The following ECT2L variants were observed in gnomAD, a reference collection of about 807,000 sequenced individuals.
The protein encoded by ECT2L is epithelial cell-transforming sequence 2 oncogene-like.
ECT2L carries 126 observed loss-of-function variants against 122.8 expected under a neutral mutation model. That is an observed-to-expected ratio of 1.03 (90% CI 0.89 to 1.19). The LOEUF (loss-of-function observed/expected upper bound fraction) is 1.19, where lower values mean the gene tolerates loss of function less well. ECT2L is among the 50% of genes most tolerant of loss of function. ECT2L has a pLI of 0.00. For missense variants in ECT2L, 1,012 were observed against 1,064.1 expected, an observed-to-expected ratio of 0.95 and a Z score of 0.68; for synonymous variants, 385 against 381.8, an observed-to-expected ratio of 1.01 and a Z score of -0.10.
intron 10 of ECT2L, among the ~76,000 whole-genome samples, chr6:138,856,363 T>C (rs1347282615): frequency 1.3e-5 from 2 of 152,144 alleles, no homozygotes; most frequent in Non-Finnish European, 2.9e-5. Context: ...TACAGGCATG[T>C]GCCACCACAC....
At chr6:138,824,245 A>T (rs1377275380) in intron 4 of ECT2L, among the ~76,000 whole-genome samples, 1 of 151,848 alleles carries the variant, frequency 6.6e-6, no homozygotes, top group East Asian at 1.9e-4. Context: ...GGTACCCAGG[A>T]CCACTCTGTA....
chr6:138,796,411 G>T (rs1775343648), intron 1 of ECT2L, among the ~76,000 whole-genome samples: 1 of 152,164 alleles, frequency 6.6e-6, no homozygotes, highest in Non-Finnish European at 1.5e-5. Flanking sequence ...CCACGCGTAG[G>T]GTAGGGTTTG....
intron 8 of ECT2L, among the ~76,000 whole-genome samples, chr6:138,847,148 T>A (rs139958600): frequency 2.0e-5 from 3 of 151,268 alleles, no homozygotes; most frequent in Non-Finnish European, 4.4e-5. Context: ...TGTGTGCCTG[T>A]AGTCCCAGCT....
At chr6:138,820,447 A>T (rs1377993561) in intron 4 of ECT2L, among the ~76,000 whole-genome samples, 1 of 152,216 alleles carries the variant, frequency 6.6e-6, no homozygotes, top group African/African-American at 2.4e-5. Flanking sequence ...ATGGTTGAGG[A>T]TGGCAAAGTG....
intron 20 of ECT2L, among the ~76,000 whole-genome samples, chr6:138,894,902 G>A (rs528891656): frequency 2.2e-4 from 34 of 152,010 alleles, no homozygotes; most frequent in Admixed American, 7.2e-4. Flanking sequence ...TTAGGTCAAC[G>A]ACACTGTCTC....
At chr6:138,833,456 A>G (rs1562463895) in intron 4 of ECT2L, among the ~76,000 whole-genome samples, 1 of 152,164 alleles carries the variant, frequency 6.6e-6, no homozygotes, top group Admixed American at 6.5e-5. Flanking sequence ...TTGTACGGCC[A>G]TCGGTATTTG....
intron 1 of ECT2L, among the ~76,000 whole-genome samples, chr6:138,796,932 T>C (rs950964485): frequency 1.3e-5 from 2 of 152,174 alleles, no homozygotes; most frequent in Admixed American, 6.5e-5. Flanking sequence ...CAAACACTTA[T>C]TTCAGTGGGA....
chr6:138,838,861 C>T (rs2128387278), intron 5 of ECT2L, among the ~76,000 whole-genome samples: 1 of 152,258 alleles, frequency 6.6e-6, no homozygotes, highest in African/African-American at 2.4e-5. Context: ...TCACTACAAC[C>T]TCCTCCGCCT....
At chr6:138,874,589 G>T (rs962409057) in intron 13 of ECT2L, among the ~76,000 whole-genome samples, 3 of 152,150 alleles carry the variant, frequency 2.0e-5, no homozygotes, top group Non-Finnish European at 4.4e-5. Context: ...AGCCAAGGTG[G>T]TCTGGGGGGG....
chr6:138,870,234 A>G (rs913476081), intron 13 of ECT2L: 1 of 152,664 alleles, frequency 6.6e-6, no homozygotes, highest in African/African-American at 2.4e-5. Context: ...TGCTGAAGAA[A>G]TGTGGCAAAA....
intron 10 of ECT2L, among the ~76,000 whole-genome samples, chr6:138,857,896 A>C (rs941709577): frequency 6.6e-6 from 1 of 151,776 alleles, no homozygotes; most frequent in Non-Finnish European, 1.5e-5. Flanking sequence ...CTTGACTCAC[A>C]GTTCTGCAGG....
intron 4 of ECT2L, among the ~76,000 whole-genome samples, chr6:138,832,686 G>A (rs1051287129): frequency 1.3e-5 from 2 of 152,024 alleles, no homozygotes; most frequent in Non-Finnish European, 2.9e-5. Flanking sequence ...CATCAAGACT[G>A]GGCCCAATTC....
At position 138,843,067 on chromosome 6, in the gene ECT2L, A is replaced by C; in HGVS notation, c.431A>C (p.His144Pro). The change falls in exon 6 of 22, where the codon CAT becomes CCT. Residue 144 changes from histidine to proline, a missense_variant. Coordinates refer to ENST00000541398, the MANE Select transcript of ECT2L (RefSeq NM_001077706.3). ...AATGAGTATGGTGCTTGGAAGCGCC[A>C]TTACATTGCTTGTGTGTCCCACTTA... ...TDNEYGAWKR[H>P]YIACVSHLDW... 1 of 1,613,916 alleles carries C rather than the reference A, an allele frequency of 6.2e-7. No individual in the cohort carries two copies.
At chr6:138,873,819 A>C (rs886764504) in intron 13 of ECT2L, among the ~76,000 whole-genome samples, 1 of 151,896 alleles carries the variant, frequency 6.6e-6, no homozygotes, top group Non-Finnish European at 1.5e-5. Flanking sequence ...AACAAAAAAA[A>C]CAAACCCTCC....
chr6:138,851,421 C>T (rs956956821), intron 9 of ECT2L, among the ~76,000 whole-genome samples: 2 of 150,944 alleles, frequency 1.3e-5, no homozygotes, highest in African/African-American at 2.4e-5. Flanking sequence ...TAGCCTCAAG[C>T]AATCCTTCCA....
chr6:138,838,340 CTT>C lies in ECT2L; in HGVS notation c.180-10_180-9del. The C allele has an allele frequency of 6.4e-7, 1 of 1,566,520 alleles. No homozygotes were observed. The highest frequency in any genetic ancestry group is 1.2e-5 in the South Asian group (1 of 82,386). On this transcript the variant is annotated splice_polypyrimidine_tract_variant and intron_variant, in intron 4 of 21. Coordinates refer to ENST00000541398, the MANE Select transcript of ECT2L (RefSeq NM_001077706.3). ...CATTAGTGTTCTAAACTAAATTTCT[CTT>C]TCTTTTTAGGTTTGTCCAAGACTGG...
intron 1 of ECT2L, among the ~76,000 whole-genome samples, chr6:138,803,263 AAAAGG>A (rs1403922363): frequency 5.8e-4 from 88 of 151,822 alleles, no homozygotes; most frequent in African/African-American, 2.0e-3. Flanking sequence ...TCTAAAAAAA[AAAAGG>A]AAAGAGAAAA....
chr6:138,825,357 A>T (rs962434297), intron 4 of ECT2L, among the ~76,000 whole-genome samples: 1 of 152,122 alleles, frequency 6.6e-6, no homozygotes, highest in Non-Finnish European at 1.5e-5. Flanking sequence ...AGGCGGGTGG[A>T]TCACTTGAGG....
In ECT2L at chr6:138,873,894, G is replaced by GTGTGTGTGTGTGTGTGTGTA. The variant is rs1554277001; in HGVS notation, c.1579-2559_1579-2558insATGTGTGTGTGTGTGTGTGT. Among the ~76,000 whole-genome samples the GTGTGTGTGTGTGTGTGTGTA allele has an allele frequency of 3.4e-3, 493 of 145,914 alleles. 5 individuals carry two copies. Among genetic ancestry groups the GTGTGTGTGTGTGTGTGTGTA allele is most frequent in the Middle Eastern group, 0.028 (8 of 284 alleles). ...GGACTGTGTGTGTGTGTGTGTGTGTGTGTGTGTGTGTGTGTGTGTGTCCAT... is the reference window on the plus strand; with the variant it reads ...GGACTGTGTGTGTGTGTGTGTGTGTGTGTGTGTGTGTGTGTGTGTATGTGTGTGTGTGTGTGTGTGTCCAT... On this transcript the variant is annotated intron_variant, in intron 13 of 21. Transcript: ENST00000541398.
Sources: gnomAD v4.1 joint callset for allele counts (sites outside exome capture counted in the v4.1 genomes callset) on GRCh38, gnomAD v4.1.1 for gene constraint, MANE v1.5 for transcripts, NCBI Gene and HGNC (gene_info 2026-07-23, HGNC 2026-07-21) for gene names.